The following RALYL variants were observed in gnomAD, a reference collection of about 807,000 sequenced individuals.
RALYL encodes RNA-binding Raly-like protein.
A neutral mutation model predicts 35.1 loss-of-function variants in RALYL; 29 were observed. The ratio of observed to expected loss-of-function variants is 0.83; its 90% CI spans 0.61 to 1.13. RALYL has a LOEUF of 1.13. Among genes scored for constraint, RALYL ranks in the 50% most tolerant of loss-of-function variants. The pLI is 0.00. For missense variants in RALYL, 359 were observed against 360.4 expected, an observed-to-expected ratio of 1.00 and a Z score of 0.03; for synonymous variants, 120 against 127.6, an observed-to-expected ratio of 0.94 and a Z score of 0.40.
intron 2 of RALYL, among the ~76,000 whole-genome samples, chr8:84,752,851 C>T (rs1344122400): frequency 6.6e-6 from 1 of 152,164 alleles, no homozygotes; most frequent in East Asian, 1.9e-4. Flanking sequence ...CCTGGATGTC[C>T]AGGCAGAATA....
intron 1 of RALYL, among the ~76,000 whole-genome samples, chr8:84,347,473 T>G (rs1304704505): frequency 6.6e-6 from 1 of 152,098 alleles, no homozygotes; most frequent in Non-Finnish European, 1.5e-5. Context: ...GTGCTTCTGC[T>G]TTCTCTGATT....
intron 2 of RALYL, among the ~76,000 whole-genome samples, chr8:84,607,808 CA>C (rs1221139022): frequency 6.6e-6 from 1 of 151,892 alleles, no homozygotes; most frequent in Non-Finnish European, 1.5e-5. Context: ...CCTCTGGGGT[CA>C]AGGTTCATTT....
chr8:84,338,363 G>GA (rs1417252891), intron 1 of RALYL, among the ~76,000 whole-genome samples: 2 of 150,490 alleles, frequency 1.3e-5, no homozygotes, highest in Non-Finnish European at 3.0e-5. Flanking sequence ...AAAGAACATA[G>GA]AATAAGAATT....
intron 1 of RALYL, among the ~76,000 whole-genome samples, chr8:84,333,162 T>C (rs918527312): frequency 6.6e-6 from 1 of 152,222 alleles, no homozygotes; most frequent in East Asian, 1.9e-4. Context: ...AGTTTAATGT[T>C]GAATTAACAC....
intron 2 of RALYL, among the ~76,000 whole-genome samples, chr8:84,681,063 A>T (rs1374218755): frequency 3.3e-5 from 5 of 152,026 alleles, no homozygotes; most frequent in Non-Finnish European, 7.4e-5. Context: ...TCAGCTTTCT[A>T]CATATGGCTA....
intron 2 of RALYL, among the ~76,000 whole-genome samples, chr8:84,737,956 C>T (rs568220988): frequency 6.6e-6 from 1 of 152,092 alleles, no homozygotes; most frequent in East Asian, 1.9e-4. Context: ...GCCACCCAGT[C>T]CATGGTGTTT....
intron 3 of RALYL, among the ~76,000 whole-genome samples, chr8:84,783,682 A>G (rs560190704): frequency 1.7e-4 from 26 of 152,320 alleles, no homozygotes; most frequent in African/African-American, 5.8e-4. Flanking sequence ...TTCCCAGGTC[A>G]CAAAGCTGAC....
intron 5 of RALYL, among the ~76,000 whole-genome samples, chr8:84,861,242 C>T (rs866384583): frequency 7.2e-5 from 11 of 152,040 alleles, no homozygotes; most frequent in Middle Eastern, 3.4e-3. Context: ...TAGTGAATAA[C>T]GTAATTACAT....
intron 1 of RALYL, among the ~76,000 whole-genome samples, chr8:84,307,571 C>A (rs1842059408): frequency 6.6e-6 from 1 of 152,098 alleles, no homozygotes; most frequent in Non-Finnish European, 1.5e-5. Context: ...CCAAAAATTT[C>A]CTCTTTGCCA....
chr8:84,524,758 A>G (rs2058742504), intron 1 of RALYL, among the ~76,000 whole-genome samples: 2 of 152,300 alleles, frequency 1.3e-5, no homozygotes, highest in Admixed American at 1.3e-4. Flanking sequence ...ATAATTTTAC[A>G]GAGCATTTAC....
chr8:84,451,163 G>A (rs533308593), intron 1 of RALYL, among the ~76,000 whole-genome samples: 237 of 152,126 alleles, frequency 1.6e-3, no homozygotes, highest in African/African-American at 5.2e-3. Flanking sequence ...CCTTGGGTCA[G>A]TATCCTCTTG....
At chr8:84,218,104 C>A (rs1256206475) in intron 1 of RALYL, among the ~76,000 whole-genome samples, 1 of 151,956 alleles carries the variant, frequency 6.6e-6, no homozygotes, top group Non-Finnish European at 1.5e-5. Context: ...CATTTTACTT[C>A]ACCATTTGTG....
At chr8:84,251,230 T>C (rs907673798) in intron 1 of RALYL, among the ~76,000 whole-genome samples, 1 of 152,152 alleles carries the variant, frequency 6.6e-6, no homozygotes, top group African/African-American at 2.4e-5. Context: ...TTTTGCAGCA[T>C]CAAGGTTGTG....
At chr8:84,693,972 A>G (rs529052674) in intron 2 of RALYL, among the ~76,000 whole-genome samples, 1 of 152,016 alleles carries the variant, frequency 6.6e-6, no homozygotes, top group Non-Finnish European at 1.5e-5. Flanking sequence ...ATGTACCTCT[A>G]CACAATAAAG....
intron 1 of RALYL, chr8:84,184,959 C>G: frequency 6.2e-7 from 1 of 1,613,274 alleles, no homozygotes; most frequent in Non-Finnish European, 8.5e-7. Context: ...GAGGATGGCA[C>G]CGGCCCTCGC....
intron 1 of RALYL, among the ~76,000 whole-genome samples, chr8:84,399,146 C>G (rs550940079): frequency 6.6e-6 from 1 of 152,124 alleles, no homozygotes; most frequent in Non-Finnish European, 1.5e-5. Flanking sequence ...TTCCCGTTTC[C>G]TGCTCTAACA....
At chr8:84,686,497 C>T (rs984825111) in intron 2 of RALYL, among the ~76,000 whole-genome samples, 4 of 152,090 alleles carry the variant, frequency 2.6e-5, no homozygotes, top group African/African-American at 7.2e-5. Flanking sequence ...CTCCACCTCC[C>T]GGGTTCAAGC....
At chr8:84,277,888 C>T (rs954619013) in intron 1 of RALYL, among the ~76,000 whole-genome samples, 1 of 152,208 alleles carries the variant, frequency 6.6e-6, no homozygotes, top group East Asian at 1.9e-4. Flanking sequence ...CTCCTGGCTG[C>T]TTTCATGGGC....
intron 2 of RALYL, among the ~76,000 whole-genome samples, chr8:84,621,110 G>A (rs2131070809): frequency 6.6e-6 from 1 of 152,298 alleles, no homozygotes; most frequent in African/African-American, 2.4e-5. Context: ...AGCTGTGGTG[G>A]GCTCCACCCA....
Sources: gnomAD v4.1 joint callset for allele counts (sites outside exome capture counted in the v4.1 genomes callset) on GRCh38, gnomAD v4.1.1 for gene constraint, MANE v1.5 for transcripts, NCBI Gene and HGNC (gene_info 2026-07-23, HGNC 2026-07-21) for gene names.